Variants in TMC7 observed in about 807,000 individuals in gnomAD.
The protein encoded by TMC7 is transmembrane channel like 7.
A neutral mutation model predicts 82.9 loss-of-function variants in TMC7; 54 were observed. The observed-to-expected ratio is 0.65, with a 90% confidence interval of 0.52 to 0.82. The LOEUF is 0.82. Among genes scored for constraint, TMC7 ranks in the 40% least tolerant of loss-of-function variants. The pLI is 0.00. For missense variants in TMC7, 820 were observed against 901.2 expected (o/e 0.91, Z 1.15); for synonymous variants, 350 against 337.9 (o/e 1.04, Z -0.39).
intron 11 of TMC7, 130 bp from the exon 12 acceptor site, chr16:19,046,933 C>T: frequency 2.8e-6 from 2 of 714,596 alleles, no homozygotes; most frequent in South Asian, 2.2e-5. Context: ...TCATTATATT[C>T]TGCATCTTTA....
In TMC7 at chr16:19,036,714, C is replaced by CA. The variant is rs112464947; in HGVS notation, c.1005+902dup. Among the ~76,000 whole-genome samples the CA allele has an allele frequency of 3.2e-3, 421 of 130,560 alleles. 2 individuals carry two copies. Among genetic ancestry groups the CA allele is most frequent in the African/African-American group, 9.6e-3 (339 of 35,314 alleles). 85.7% of individuals were successfully genotyped at this position (130,560 alleles called of 152,430 possible). The stretch of plus-strand genomic sequence containing the variant: ...TGGGTGACAGAGCTAGACTCCATCT[C>CA]AAAAAAAAAAAGTACATGAGAGTTT... On this transcript the variant is annotated intron_variant, in intron 7 of 15. Transcript: ENST00000304381.
chr16:19,038,039 A>G lies in TMC7; in HGVS notation c.1171A>G (p.Met391Val), dbSNP rs1310984011. ...YVATVFSQEH[M>V]KKEIDKMVFG... ...AGCAACTGTCTTCTCGCAAGAGCAC[A>G]TGAAAAAGGTAAATTAACTTGTACT... The change falls in exon 8 of 16, where the codon ATG becomes GTG. Residue 391 changes from methionine (M) to valine (V), a missense_variant. By Grantham distance (21) the Met-to-Val change is conservative. This residue lies in a region of TMC7 where 650 missense variants were observed against 669.9 expected (regional missense o/e 0.97). Transcript: ENST00000304381. The G allele has an allele frequency of 3.1e-6, 5 of 1,613,434 alleles. No homozygotes were observed. In the East Asian group the frequency reaches 6.7e-5, roughly 22 times the overall value.
intron 6 of TMC7, among the ~76,000 whole-genome samples, chr16:19,034,028 G>T (rs1488377417): frequency 6.6e-6 from 1 of 152,168 alleles, no homozygotes; most frequent in Admixed American, 6.6e-5. Flanking sequence ...CAAGTGCCAG[G>T]TGTATTTTTT....
At chr16:18,984,359 C>A (rs1353068603) in intron 1 of TMC7, 1 of 1,293,958 alleles carries the variant, frequency 7.7e-7, no homozygotes, top group Non-Finnish European at 9.8e-7. Flanking sequence ...CAAAAGGACA[C>A]GAGAACTGCA....
chr16:18,998,435 C>G (rs975115929), intron 1 of TMC7, among the ~76,000 whole-genome samples: 7 of 152,188 alleles, frequency 4.6e-5, no homozygotes, highest in African/African-American at 1.4e-4. Flanking sequence ...CCACAGACCC[C>G]TGACCAGATG....
intron 5 of TMC7, among the ~76,000 whole-genome samples, chr16:19,029,099 G>A (rs1960375725): frequency 1.3e-5 from 2 of 151,134 alleles, no homozygotes; most frequent in Non-Finnish European, 1.5e-5. Context: ...TCCGCCTCCC[G>A]GGTTCACACC....
intron 1 of TMC7, among the ~76,000 whole-genome samples, chr16:19,005,237 C>T (rs1259338098): frequency 2.0e-5 from 3 of 151,994 alleles, no homozygotes; most frequent in African/African-American, 7.2e-5. Flanking sequence ...CTACAGGCAC[C>T]CGCCACCATG....
chr16:19,025,669 C>T (rs1960189390), intron 5 of TMC7, among the ~76,000 whole-genome samples: 1 of 151,922 alleles, frequency 6.6e-6, no homozygotes, highest in African/African-American at 2.4e-5. Flanking sequence ...AAACAAATGC[C>T]ATACCATTGA....
At chr16:19,046,995 A>T in intron 11 of TMC7, 68 bp from the exon 12 acceptor site, 1 of 1,370,038 alleles carries the variant, frequency 7.3e-7, no homozygotes. Flanking sequence ...AATAGTCCTG[A>T]TCTTTGTGAT....
At chr16:18,985,774 G>C (rs2038836670) in intron 1 of TMC7, among the ~76,000 whole-genome samples, 1 of 139,870 alleles carries the variant, frequency 7.1e-6, no homozygotes, top group Non-Finnish European at 1.5e-5. Flanking sequence ...TTGTAACTTT[G>C]TAGCACTTTC....
chr16:19,013,417 A>T (rs1178663810), intron 2 of TMC7, among the ~76,000 whole-genome samples: 1 of 151,022 alleles, frequency 6.6e-6, no homozygotes, highest in Non-Finnish European at 1.5e-5. Flanking sequence ...GGGTTTCTCC[A>T]TGTTGGTCAG....
chr16:19,059,705 G>GA, intron 15 of TMC7: 1 of 1,525,286 alleles, frequency 6.6e-7, no homozygotes, highest in Non-Finnish European at 8.8e-7. Flanking sequence ...GGGGGATGTG[G>GA]TGGCTCATGC....
At chr16:18,996,500 T>C (rs1373889193) in intron 1 of TMC7, among the ~76,000 whole-genome samples, 1 of 152,226 alleles carries the variant, frequency 6.6e-6, no homozygotes, top group Non-Finnish European at 1.5e-5. Flanking sequence ...TGCCATTCTC[T>C]GGCCACTTGG....
At position 18,983,961 on chromosome 16, in the gene TMC7, G is replaced by A. The variant is rs746142102; in HGVS notation, c.-103G>A. The A allele has an allele frequency of 4.2e-5, 52 of 1,252,760 alleles. No individual in the cohort carries two copies. The East Asian group carries it at 1.6e-3, about 39-fold the overall frequency. The allele number at this position is 1,252,760 out of a possible 1,614,324, so 77.6% of individuals were successfully genotyped here. ...TCCGGCTTCTGTGATGTCAGCGCCG[G>A]AACCTGGAATCCCGGCTCCGCGAGG... On this transcript the variant is annotated 5_prime_UTR_variant, in exon 1 of 16. Coordinates refer to ENST00000304381, the MANE Select transcript of TMC7 (RefSeq NM_024847.4).
intron 5 of TMC7, among the ~76,000 whole-genome samples, chr16:19,025,995 C>G (rs899305056): frequency 6.6e-6 from 1 of 151,752 alleles, no homozygotes; most frequent in Non-Finnish European, 1.5e-5. Flanking sequence ...AGGCTGGTCT[C>G]GAGCTCCTGA....
At chr16:19,010,735 C>A (rs982369897) in intron 2 of TMC7, among the ~76,000 whole-genome samples, 2 of 152,178 alleles carry the variant, frequency 1.3e-5, no homozygotes, top group Non-Finnish European at 2.9e-5. Context: ...TGGGCTGAAT[C>A]TTTATCCATA....
chr16:18,993,707 C>A (rs2038989773), intron 1 of TMC7, among the ~76,000 whole-genome samples: 1 of 152,066 alleles, frequency 6.6e-6, no homozygotes, highest in African/African-American at 2.4e-5. Flanking sequence ...GATGGAGGAC[C>A]CTTGCATAGT....
At chr16:19,016,395 G>A (rs1264836858) in intron 2 of TMC7, 55 bp from the exon 3 acceptor site, 8 of 1,606,100 alleles carry the variant, frequency 5.0e-6, no homozygotes, top group Admixed American at 1.7e-5. Context: ...AGGCTGGGAT[G>A]CTGAGTCTTG....
chr16:19,029,252 G>T (rs1249492452), intron 5 of TMC7, among the ~76,000 whole-genome samples: 2 of 151,686 alleles, frequency 1.3e-5, no homozygotes, highest in African/African-American at 4.8e-5. Flanking sequence ...TGATCTATCC[G>T]CCTCGGCCTC....
Sources: gnomAD v4.1 joint callset for allele counts (sites outside exome capture counted in the v4.1 genomes callset) on GRCh38, gnomAD v4.1.1 for gene constraint, gnomAD v4.1.1 regional missense constraint, MANE v1.5 for transcripts, NCBI Gene and HGNC (gene_info 2026-07-23, HGNC 2026-07-21) for gene names.